SERPIND1: variants seen among roughly 807,000 people sequenced by gnomAD.
SERPIND1 encodes the protein heparin cofactor 2.
A neutral mutation model predicts 35.0 loss-of-function variants in SERPIND1; 34 were observed. The observed-to-expected ratio is 0.97, with a 90% CI of 0.74 to 1.29. The LOEUF is 1.29. Ranked by LOEUF, SERPIND1 falls within the 50% of genes most tolerant of loss-of-function variation. SERPIND1 has a pLI of 0.00. For synonymous variants in SERPIND1, 236 were observed against 241.1 expected, an observed-to-expected ratio of 0.98 and a Z score of 0.19; for missense variants, 633 against 637.7, an observed-to-expected ratio of 0.99 and a Z score of 0.08.
chr22:20,774,381 T>C (rs896889076), intron 1 of SERPIND1, among the ~76,000 whole-genome samples: 13 of 152,368 alleles, frequency 8.5e-5, no homozygotes, highest in Admixed American at 5.2e-4. Flanking sequence ...ATTGTACTTA[T>C]ATTAAATTAA....
intron 4 of SERPIND1, 24 bp from the exon 5 acceptor site, chr22:20,786,851 C>G (rs1370040519): frequency 1.2e-6 from 2 of 1,613,542 alleles, no homozygotes; most frequent in Non-Finnish European, 1.7e-6. Flanking sequence ...CCTCCAGAAT[C>G]TGACAACTTT....
intron 2 of SERPIND1, among the ~76,000 whole-genome samples, chr22:20,781,854 C>T (rs1319126925): frequency 1.3e-5 from 2 of 152,238 alleles, no homozygotes; most frequent in African/African-American, 4.8e-5. Context: ...AGTCATTCAA[C>T]ATCTCTATGA....
chr22:20,783,733 A>G (rs879346227), intron 2 of SERPIND1, among the ~76,000 whole-genome samples: 38 of 152,168 alleles, frequency 2.5e-4, no homozygotes, highest in Non-Finnish European at 4.4e-4. Context: ...TGGTCAAACA[A>G]CTAGTTCGTA....
intron 2 of SERPIND1, among the ~76,000 whole-genome samples, chr22:20,781,460 C>A (rs751878670): frequency 6.6e-6 from 1 of 152,196 alleles, no homozygotes; most frequent in Non-Finnish European, 1.5e-5. Context: ...GCAGCCCAGG[C>A]GAAGGAAGGA....
At chr22:20,779,244 C>A (rs757745528) in intron 1 of SERPIND1, 53 bp from the exon 2 acceptor site, 1 of 1,609,158 alleles carries the variant, frequency 6.2e-7, no homozygotes, top group Admixed American at 1.7e-5. Context: ...GATGCTGCAG[C>A]GGGGTGTGGA....
chr22:20,781,441 G>C (rs145850902), intron 2 of SERPIND1, among the ~76,000 whole-genome samples: 1 of 152,196 alleles, frequency 6.6e-6, no homozygotes, highest in Non-Finnish European at 1.5e-5. Context: ...TAGCTCCCGT[G>C]GTTTTATAGC....
chr22:20,783,766 T>C (rs200865834), intron 2 of SERPIND1, among the ~76,000 whole-genome samples: 3 of 152,170 alleles, frequency 2.0e-5, no homozygotes, highest in East Asian at 3.8e-4. Context: ...CCAGAAACTA[T>C]TCCAGTCCGG....
At chr22:20,785,095 G>A (rs1195472628) in intron 3 of SERPIND1, among the ~76,000 whole-genome samples, 1 of 148,464 alleles carries the variant, frequency 6.7e-6, no homozygotes, top group Non-Finnish European at 1.5e-5. Flanking sequence ...TTTGAGACAG[G>A]GTCTTGTTCT....
At chr22:20,780,981 A>C (rs559192471) in intron 2 of SERPIND1, among the ~76,000 whole-genome samples, 3 of 152,044 alleles carry the variant, frequency 2.0e-5, no homozygotes, top group Non-Finnish European at 4.4e-5. Context: ...ATATAGACAA[A>C]AGGCTAAAGA....
chr22:20,777,707 A>G (rs1325169253), intron 1 of SERPIND1, among the ~76,000 whole-genome samples: 1 of 152,230 alleles, frequency 6.6e-6, no homozygotes. Flanking sequence ...TGTCTGAGTC[A>G]GCATTATAAA....
Position 20,784,167 on chromosome 22 carries a change from A to C in SERPIND1, c.1085A>C (p.Lys362Thr). 2 of 1,614,210 alleles carry C rather than the reference A, an allele frequency of 1.2e-6. No individual in the cohort carries two copies. Among genetic ancestry groups the C allele is most frequent in the Non-Finnish European group, 1.7e-6 (2 of 1,180,042 alleles). ...AGCATGCTAATTGTGGTCCCACACA[A>C]GATGTCTGGGATGAAGACCCTCGAA... Reference protein sequence around the residue: ...GISMLIVVPHKMSGMKTLEAQ... With the variant: ...GISMLIVVPHTMSGMKTLEAQ... The change falls in exon 3 of 5, where the codon AAG (lysine) becomes ACG (threonine). Residue 362 changes from lysine to threonine, a missense_variant. Coordinates refer to ENST00000215727, the MANE Select transcript of SERPIND1 (RefSeq NM_000185.4).
chr22:20,774,533 C>T lies in SERPIND1; in HGVS notation c.-17+388C>T, dbSNP rs1046473189. Among the ~76,000 whole-genome samples, 4 of 152,050 alleles carry T rather than the reference C, an allele frequency of 2.6e-5. No homozygotes were observed. In the East Asian group the frequency reaches 5.8e-4, roughly 22 times the overall value. On this transcript the variant is annotated intron_variant, in intron 1 of 4. Transcript: ENST00000215727. ...ATCCCAACACTTTGGGAGGCCGAGG[C>T]GGGTGGATCACGAGGTCAGGAGTTC...
Position 20,787,066 on chromosome 22 carries a change from G to C in SERPIND1, c.1500G>C (p.Ter500TyrextTer44), listed in dbSNP as rs764700693. Residue 500 changes from the stop codon to tyrosine (Y), a stop_lost, in exon 5 of 5, where the codon TAG becomes TAC. Coordinates refer to ENST00000215727, the MANE Select transcript of SERPIND1 (RefSeq NM_000185.4). ...MGRVANPSRS[*>Y] ...GAGTGGCCAACCCCAGCAGGTCCTA[G>C]AGGTGGAGGTCTAGGTGTCTGAAGT... 3 of 1,614,060 alleles carry C rather than the reference G, an allele frequency of 1.9e-6. No homozygotes were observed. Among genetic ancestry groups the C allele is most frequent in the Non-Finnish European group, 2.5e-6 (3 of 1,179,954 alleles).
In SERPIND1 at chr22:20,786,142, C is replaced by A; in HGVS notation, c.1302C>A (p.Ile434=). The A allele has an allele frequency of 6.2e-7, 1 of 1,614,066 alleles. No homozygotes were observed. The highest frequency in any genetic ancestry group is 8.5e-7 in the Non-Finnish European group (1 of 1,180,006). ...MAGISDQRIA[I]DLFKHQGTIT... is the part of the protein sequence containing the mutation. ...GCATCTCAGACCAAAGGATCGCCAT[C>A]GACCTGGTAACCACTCCCTTGTCCA... is the stretch of plus-strand genomic sequence containing the variant. Residue 434 remains isoleucine (I), a synonymous_variant, in exon 4 of 5, where the codon ATC becomes ATA. Coordinates refer to ENST00000215727, the MANE Select transcript of SERPIND1 (RefSeq NM_000185.4).
At chr22:20,781,971 G>A (rs73162810) in intron 2 of SERPIND1, among the ~76,000 whole-genome samples, 10,432 of 152,312 alleles carry the variant, frequency 0.068, 346 homozygotes, top group East Asian at 0.079. Context: ...CAAGAGCTCA[G>A]CGAATTTGAG....
chr22:20,777,197 C>CA (rs1260184015), intron 1 of SERPIND1, among the ~76,000 whole-genome samples: 3 of 151,930 alleles, frequency 2.0e-5, no homozygotes, highest in Middle Eastern at 6.8e-3. Context: ...TGCCATCACA[C>CA]CAGGCTAATT....
At position 20,787,173 on chromosome 22, in the gene SERPIND1, C is replaced by A; in HGVS notation, c.*107C>A. 9.6e-7 allele frequency: 1 copy of A among 1,046,372 alleles called. No homozygotes were observed. Among genetic ancestry groups the A allele is most frequent in the Non-Finnish European group, 1.5e-6 (1 of 682,296 alleles). 64.8% of individuals were successfully genotyped at this position (1,046,372 alleles called of 1,614,324 possible). A position where few individuals can be genotyped will look rare whatever the true frequency, so the allele number is the denominator to read the frequency against. ...GGCATCATTTACGTAGTTTACGCTA[C>A]CAATCTGAATTCGAGGCCCATATGA... On this transcript the variant is annotated 3_prime_UTR_variant, in exon 5 of 5. Transcript: ENST00000215727.
chr22:20,778,264 G>A (rs1933459772), intron 1 of SERPIND1, among the ~76,000 whole-genome samples: 1 of 152,122 alleles, frequency 6.6e-6, no homozygotes, highest in African/African-American at 2.4e-5. Flanking sequence ...ACTTTGGGGG[G>A]CTGAGGTGGG....
intron 2 of SERPIND1, among the ~76,000 whole-genome samples, chr22:20,782,085 T>G (rs1933846826): frequency 6.6e-6 from 1 of 152,260 alleles, no homozygotes; most frequent in East Asian, 1.9e-4. Context: ...TGTTTAGGAC[T>G]GACTTTAGAA....
Sources: allele counts gnomAD v4.1 joint callset (sites outside exome capture counted in the v4.1 genomes callset), GRCh38; gene constraint gnomAD v4.1.1; transcripts MANE v1.5; gene names NCBI Gene and HGNC (gene_info 2026-07-23, HGNC 2026-07-21).